Variants in SUGT1 observed in about 807,000 individuals in gnomAD.
The protein encoded by SUGT1 is protein SGT1 homolog.
A neutral mutation model predicts 56.1 loss-of-function variants in SUGT1; 15 were observed. That is an observed-to-expected ratio of 0.27 (90% CI 0.18 to 0.41). The LOEUF is 0.41. Among genes scored for constraint, SUGT1 ranks in the 10% least tolerant of loss-of-function variants. SUGT1 has a pLI of 1.00. For missense variants in SUGT1, 347 were observed against 382.2 expected (o/e 0.91, Z 0.77); for synonymous variants, 123 against 128.6 (o/e 0.96, Z 0.30).
chr13:52,679,695 T>G (rs764692049), intron 11 of SUGT1, among the ~76,000 whole-genome samples: 52 of 152,224 alleles, frequency 3.4e-4, no homozygotes, highest in Admixed American at 3.3e-3. Flanking sequence ...GAATCTGCTT[T>G]TAATCTAATT....
At chr13:52,658,135 A>G in intron 3 of SUGT1, 1 of 1,370,872 alleles carries the variant, frequency 7.3e-7, no homozygotes, top group Non-Finnish European at 9.4e-7. Flanking sequence ...TTACATAGAA[A>G]ATGTTAATGA....
intron 12 of SUGT1, among the ~76,000 whole-genome samples, chr13:52,684,246 A>G (rs528854485): frequency 1.3e-5 from 2 of 151,898 alleles, no homozygotes; most frequent in South Asian, 4.2e-4. Flanking sequence ...ATATCTTTTT[A>G]TCATTCTTAT....
Position 52,686,182 on chromosome 13 carries a change from C to T in SUGT1, c.901-1552C>T, listed in dbSNP as rs572393787. 4.6e-5 allele frequency among the ~76,000 whole-genome samples: 7 copies of T among 152,226 alleles called. No homozygotes were observed. The East Asian group carries it at 1.2e-3, about 25-fold the overall frequency. ...ACCTCAGGTGATCTGCCCGCCTCAG[C>T]CTCCCAAAATGCTGGAATTACAGGT... On this transcript the variant is annotated intron_variant, in intron 12 of 12. Transcript: ENST00000310528.
At chr13:52,676,188 AT>A (rs1459422142) in intron 10 of SUGT1, 41 bp from the exon 11 acceptor site, 1 of 1,527,440 alleles carries the variant, frequency 6.5e-7, no homozygotes, top group Non-Finnish European at 8.9e-7. Context: ...TGTTTTGTGT[AT>A]TTTACGTCGA....
rs1379250739 is a variant in SUGT1 at position 52,687,848 on chromosome 13, G to A, written c.*13G>A. 2 of 1,558,762 alleles carry A rather than the reference G, an allele frequency of 1.3e-6. No individual in the cohort carries two copies. Among genetic ancestry groups the A allele is most frequent in the Non-Finnish European group, 1.7e-6 (2 of 1,147,750 alleles). On this transcript the variant is annotated 3_prime_UTR_variant, in exon 13 of 13. Coordinates refer to ENST00000310528, the MANE Select transcript of SUGT1 (RefSeq NM_006704.5). Reference sequence around the variant, plus strand: ...GAAAAAGTACTAAATAAATTAATTTGCTCTCATCGTATTGTGTATATTCAC... The same window carrying A: ...GAAAAAGTACTAAATAAATTAATTTACTCTCATCGTATTGTGTATATTCAC...
chr13:52,669,767 TG>T (rs1239674342), intron 10 of SUGT1, among the ~76,000 whole-genome samples: 1 of 152,120 alleles, frequency 6.6e-6, no homozygotes, highest in African/African-American at 2.4e-5. Context: ...TTAAACTATT[TG>T]GGGGGAAGCA....
At chr13:52,653,133 T>A (rs775876209) in intron 2 of SUGT1, 30 bp downstream of exon 2, 1 of 1,613,638 alleles carries the variant, frequency 6.2e-7, no homozygotes. Context: ...CTTCCTCCAC[T>A]CTTCTTAGGG....
Position 52,695,909 on chromosome 13 carries a change from C to A in SUGT1, c.*8074C>A. 6.6e-6 allele frequency: 1 copy of A among 152,310 alleles called. No homozygotes were observed. The highest frequency in any genetic ancestry group is 1.5e-5 in the Non-Finnish European group (1 of 68,042). 9.4% of individuals were successfully genotyped at this position (152,310 alleles called of 1,614,324 possible). A position where few individuals can be genotyped will look rare whatever the true frequency, so the allele number is the denominator to read the frequency against. On this transcript the variant is annotated 3_prime_UTR_variant, in exon 13 of 13. Transcript: ENST00000310528. ...GTGTCAAAACTGAGTTTGTATGCTA[C>A]CTCCAGGAAAGCAGTCTAATCTTTT...
At chr13:52,653,231 G>C in intron 2 of SUGT1, 128 bp downstream of exon 2, 4 of 1,110,840 alleles carry the variant, frequency 3.6e-6, no homozygotes, top group Non-Finnish European at 5.3e-6. Context: ...CTGCGTCTCA[G>C]CTCCGGTATT....
chr13:52,673,117 A>G (rs764150337), intron 10 of SUGT1, among the ~76,000 whole-genome samples: 18 of 152,226 alleles, frequency 1.2e-4, no homozygotes, highest in Admixed American at 2.0e-4. Flanking sequence ...GACTGGTGCT[A>G]ATTCTAGAAC....
chr13:52,665,580 A>G, intron 8 of SUGT1, 57 bp from the exon 9 acceptor site: 11 of 1,339,604 alleles, frequency 8.2e-6, no homozygotes, highest in Non-Finnish European at 1.1e-5. Flanking sequence ...TTTTGTTTTG[A>G]CAATAGCTTT....
At chr13:52,657,404 T>C (rs1338081079) in intron 2 of SUGT1, 128 bp from the exon 3 acceptor site, 18 of 809,080 alleles carry the variant, frequency 2.2e-5, no homozygotes, top group African/African-American at 5.3e-5. Context: ...ACTCCAATAT[T>C]ATATCCGTGT....
chr13:52,668,008 A>G (rs1014554743), intron 10 of SUGT1, among the ~76,000 whole-genome samples: 3 of 150,620 alleles, frequency 2.0e-5, no homozygotes. Flanking sequence ...GATGTAGTCT[A>G]GCTCTGTTGC....
chr13:52,675,848 C>T (rs573061494), intron 10 of SUGT1, among the ~76,000 whole-genome samples: 17 of 152,234 alleles, frequency 1.1e-4, no homozygotes, highest in African/African-American at 4.1e-4. Context: ...ACCGTGGTCT[C>T]TACTCAATAG....
At position 52,689,001 on chromosome 13, in the gene SUGT1, G is replaced by T. The variant is rs1208532432; in HGVS notation, c.*1166G>T. The T allele has an allele frequency of 3.9e-5, 6 of 152,158 alleles. No individual in the cohort carries two copies. Among genetic ancestry groups the T allele is most frequent in the Non-Finnish European group, 8.8e-5 (6 of 68,068 alleles). 9.4% of individuals were successfully genotyped at this position (152,158 alleles called of 1,614,324 possible). A position where few individuals can be genotyped will look rare whatever the true frequency, so the allele number is the denominator to read the frequency against. ...TCTCAACTGTAATACCCCAGATGTT[G>T]GTCTCAGCTCTGTTAGGTGTCACTA... On this transcript the variant is annotated 3_prime_UTR_variant, in exon 13 of 13. Coordinates refer to ENST00000310528, the MANE Select transcript of SUGT1 (RefSeq NM_006704.5).
intron 10 of SUGT1, among the ~76,000 whole-genome samples, chr13:52,673,462 A>C (rs954289319): frequency 6.6e-6 from 1 of 152,180 alleles, no homozygotes; most frequent in African/African-American, 2.4e-5. Context: ...ACATGCAGCT[A>C]TTTTAATGAA....
intron 10 of SUGT1, among the ~76,000 whole-genome samples, chr13:52,673,472 A>G (rs1184689990): frequency 1.3e-5 from 2 of 152,212 alleles, no homozygotes; most frequent in Non-Finnish European, 2.9e-5. Context: ...ATTTTAATGA[A>G]TGGATTAAGT....
chr13:52,681,933 A>T (rs1305759775), intron 12 of SUGT1, among the ~76,000 whole-genome samples: 1 of 47,566 alleles, frequency 2.1e-5, no homozygotes, highest in Non-Finnish European at 4.2e-5. Context: ...CCCCACCCCC[A>T]CCCTTCCATG....
chr13:52,659,229 CAGA>C lies in SUGT1; in HGVS notation c.311_313del (p.Glu104del), dbSNP rs1318365435. ...TATGCTGCTGCCCTAGAAACTTTTA[CAGA>C]AGGACAAAAATTAGATAGTAAGTAT... On this transcript the variant is annotated inframe_deletion, in exon 5 of 13. Transcript: ENST00000310528. 6.7e-6 allele frequency: 10 copies of C among 1,482,084 alleles called. No homozygotes were observed. Among genetic ancestry groups the C allele is most frequent in the Non-Finnish European group, 8.9e-6 (10 of 1,122,202 alleles). 91.8% of individuals were successfully genotyped at this position (1,482,084 alleles called of 1,614,324 possible). A position where few individuals can be genotyped will look rare whatever the true frequency, so the allele number is the denominator to read the frequency against.
Sources: gnomAD v4.1 joint callset for allele counts (sites outside exome capture counted in the v4.1 genomes callset) on GRCh38, gnomAD v4.1.1 for gene constraint, MANE v1.5 for transcripts, NCBI Gene and HGNC (gene_info 2026-07-23, HGNC 2026-07-21) for gene names.